ARGFX: variants seen among roughly 807,000 people sequenced by gnomAD.
ARGFX encodes the protein arginine-fifty homeobox.
Under a neutral mutation model 8.0 loss-of-function variants are expected in ARGFX, and 10 were observed. The observed-to-expected ratio is 1.25, with a 90% confidence interval of 0.77 to 2.12. ARGFX has a LOEUF of 2.12. ARGFX is among the 30% of genes most tolerant of loss of function. ARGFX has a pLI of 0.00. For synonymous variants in ARGFX, 116 were observed against 117.8 expected, an observed-to-expected ratio of 0.98 and a Z score of 0.10; for missense variants, 282 against 324.3, an observed-to-expected ratio of 0.87 and a Z score of 1.00.
intron 3 of ARGFX, among the ~76,000 whole-genome samples, chr3:121,579,168 T>C (rs2048762619): frequency 6.6e-6 from 1 of 152,168 alleles, no homozygotes; most frequent in South Asian, 2.1e-4. Context: ...CACATGGATG[T>C]GAGTTTTCCT....
intron 3 of ARGFX, among the ~76,000 whole-genome samples, chr3:121,577,226 CATATATATATATATATAT>C (rs71133554): frequency 1.7e-4 from 15 of 87,142 alleles, no homozygotes; most frequent in African/African-American, 2.0e-4. Context: ...TCTACATGTA[CATATATATATATATATAT>C]ATATATATAT....
In ARGFX at chr3:121,584,938, A is replaced by G. The variant is rs770601267; in HGVS notation, c.242A>G (p.Glu81Gly). Residue 81 changes from glutamate (E) to glycine (G), a missense_variant, in exon 4 of 5, where the codon GAA (glutamate) becomes GGA (glycine). Coordinates refer to ENST00000334384, the MANE Select transcript of ARGFX (RefSeq NM_001012659.2). The stretch of plus-strand genomic sequence containing the variant: ...GAAGCAATACGGAGAAGGCATAAAG[A>G]ACGTACTTCTTTCACCCACCAACAG... ...ATTAIRRRHK[E>G]RTSFTHQQYE... 1.9e-6 allele frequency: 3 copies of G among 1,613,576 alleles called. No individual in the cohort carries two copies. The highest frequency in any genetic ancestry group is 8.5e-7 in the Non-Finnish European group (1 of 1,179,970).
Position 121,586,730 on chromosome 3 carries a change from G to C in ARGFX, c.*130G>C. 1.2e-6 allele frequency: 1 copy of C among 843,482 alleles called. No individual in the cohort carries two copies. Among genetic ancestry groups the C allele is most frequent in the Non-Finnish European group, 1.8e-6 (1 of 559,454 alleles). 52.2% of individuals were successfully genotyped at this position (843,482 alleles called of 1,614,324 possible). ...TGTCTCTGATTTCCATGTAAATGTT[G>C]CAAAAAGAGTTTTCCAAGTAGAGCT... is the stretch of plus-strand genomic sequence containing the variant. On this transcript the variant is annotated 3_prime_UTR_variant, in exon 5 of 5. Transcript: ENST00000334384.
At chr3:121,576,261 T>C (rs547093417) in intron 2 of ARGFX, among the ~76,000 whole-genome samples, 1 of 152,274 alleles carries the variant, frequency 6.6e-6, no homozygotes, top group East Asian at 1.9e-4. Context: ...CTAATAATAA[T>C]GGACATATGT....
chr3:121,584,131 A>T (rs984680409), intron 3 of ARGFX, among the ~76,000 whole-genome samples: 1 of 151,868 alleles, frequency 6.6e-6, no homozygotes, highest in Non-Finnish European at 1.5e-5. Flanking sequence ...ATGAACTATG[A>T]TCGTGCCACA....
rs772899093 is a variant in ARGFX, at chr3:121,570,696, T to C, written c.-12-6T>C. On this transcript the variant is annotated splice_region_variant and splice_polypyrimidine_tract_variant and intron_variant, in intron 1 of 4. Coordinates refer to ENST00000334384, the MANE Select transcript of ARGFX (RefSeq NM_001012659.2). Reference sequence around the variant, plus strand: ...CATTCCCTATCTCATAGGCCTTCCATCTCAGATTTCAGAAACCATGAGGAA... The same window carrying C: ...CATTCCCTATCTCATAGGCCTTCCACCTCAGATTTCAGAAACCATGAGGAA... 64 of 1,571,484 alleles carry C rather than the reference T, an allele frequency of 4.1e-5. No homozygotes were observed. Among genetic ancestry groups the C allele is most frequent in the Non-Finnish European group, 5.6e-5 (64 of 1,150,084 alleles).
intron 3 of ARGFX, among the ~76,000 whole-genome samples, chr3:121,583,533 C>T (rs11714662): frequency 0.28 from 41,877 of 151,146 alleles, 6,147 homozygotes; most frequent in East Asian, 0.61. Flanking sequence ...CAGCCTCAAC[C>T]TCCCAGGCTC....
At chr3:121,577,714 T>A (rs999919788) in intron 3 of ARGFX, among the ~76,000 whole-genome samples, 4 of 152,216 alleles carry the variant, frequency 2.6e-5, no homozygotes, top group African/African-American at 9.6e-5. Flanking sequence ...TTTACATTAA[T>A]AAATCAATAT....
chr3:121,582,359 T>G (rs1185917529), intron 3 of ARGFX, among the ~76,000 whole-genome samples: 2 of 152,122 alleles, frequency 1.3e-5, no homozygotes, highest in East Asian at 3.9e-4. Context: ...GTTATTTAAT[T>G]AAAAGAACAG....
chr3:121,587,859 T>C lies in ARGFX; in HGVS notation c.*1259T>C, dbSNP rs1484998147. Among the ~76,000 whole-genome samples, 1 of 150,910 alleles carries C rather than the reference T, an allele frequency of 6.6e-6. No homozygotes were observed. The highest frequency in any genetic ancestry group is 1.5e-5 in the Non-Finnish European group (1 of 67,608). ...TTTTTAGTGGAGATGGGGTTTCGCCTTGTTGCCCAGGCTGAATTTGGGTTT... is the reference window on the plus strand; with the variant it reads ...TTTTTAGTGGAGATGGGGTTTCGCCCTGTTGCCCAGGCTGAATTTGGGTTT... On this transcript the variant is annotated 3_prime_UTR_variant, in exon 5 of 5. Transcript: ENST00000334384.
rs1475663369 is a variant in ARGFX, at chr3:121,589,961, A to G, written c.*3361A>G. The stretch of plus-strand genomic sequence containing the variant: ...ATGAAATAGAGAATAGAAAAGCAAT[A>G]CAGAAAAAAAATTATGAAATCAAAA... On this transcript the variant is annotated 3_prime_UTR_variant, in exon 5 of 5. Transcript: ENST00000334384. 6.6e-6 allele frequency among the ~76,000 whole-genome samples: 1 copy of G among 152,128 alleles called. No homozygotes were observed. Among genetic ancestry groups the G allele is most frequent in the Non-Finnish European group, 1.5e-5 (1 of 68,030 alleles).
At chr3:121,584,267 G>A (rs1468886766) in intron 3 of ARGFX, among the ~76,000 whole-genome samples, 1 of 148,234 alleles carries the variant, frequency 6.7e-6, no homozygotes, top group Non-Finnish European at 1.5e-5. Flanking sequence ...AGGAAGGAAG[G>A]AAAGAAAAGA....
chr3:121,584,655 T>C (rs936206492), intron 3 of ARGFX, among the ~76,000 whole-genome samples: 3 of 152,146 alleles, frequency 2.0e-5, no homozygotes, highest in Admixed American at 6.5e-5. Flanking sequence ...GTGAACAGAC[T>C]GAGTACACAG....
intron 3 of ARGFX, among the ~76,000 whole-genome samples, chr3:121,577,259 AT>A (rs869249692): frequency 4.9e-4 from 29 of 59,602 alleles, no homozygotes; most frequent in East Asian, 3.5e-3. Context: ...ATATATATAT[AT>A]TTTTTTTTTT....
chr3:121,574,673 G>A (rs916228192), intron 2 of ARGFX, among the ~76,000 whole-genome samples: 1 of 152,192 alleles, frequency 6.6e-6, no homozygotes, highest in Non-Finnish European at 1.5e-5. Flanking sequence ...CTCATTCGCT[G>A]CTCACCTCCT....
At chr3:121,577,244 TATATATATATA>T (rs2048745558) in intron 3 of ARGFX, among the ~76,000 whole-genome samples, 2 of 53,350 alleles carry the variant, frequency 3.7e-5, no homozygotes, top group African/African-American at 1.4e-4. Flanking sequence ...TATATATATA[TATATATATATA>T]TATATTTTTT....
intron 1 of ARGFX, among the ~76,000 whole-genome samples, chr3:121,569,579 T>C (rs939984585): frequency 4.6e-5 from 7 of 152,158 alleles, no homozygotes; most frequent in Non-Finnish European, 8.8e-5. Context: ...TTGGTCAGGC[T>C]GGTCTCAAAC....
intron 2 of ARGFX, among the ~76,000 whole-genome samples, chr3:121,576,301 T>C (rs1472668994): frequency 6.6e-6 from 1 of 152,130 alleles, no homozygotes; most frequent in African/African-American, 2.4e-5. Flanking sequence ...GTTTGGATGG[T>C]CCAGTGGCTA....
At position 121,589,799 on chromosome 3, in the gene ARGFX, T is replaced by C. The variant is rs1446028817; in HGVS notation, c.*3199T>C. Among the ~76,000 whole-genome samples the C allele has an allele frequency of 6.6e-6, 1 of 152,172 alleles. No individual in the cohort carries two copies. The highest frequency in any genetic ancestry group is 1.5e-5 in the Non-Finnish European group (1 of 68,028). On this transcript the variant is annotated 3_prime_UTR_variant, in exon 5 of 5. Coordinates refer to ENST00000334384, the MANE Select transcript of ARGFX (RefSeq NM_001012659.2). Reference sequence around the variant, plus strand: ...ATATACCAAAAATATATGAGGCAAATTTTAGCAAAAATTAAAATTCTTAAG... The same window carrying C: ...ATATACCAAAAATATATGAGGCAAACTTTAGCAAAAATTAAAATTCTTAAG...
Sources: gnomAD v4.1 joint callset for allele counts (sites outside exome capture counted in the v4.1 genomes callset) on GRCh38, gnomAD v4.1.1 for gene constraint, MANE v1.5 for transcripts, NCBI Gene and HGNC (gene_info 2026-07-23, HGNC 2026-07-21) for gene names.